Variants in APBB2 observed in about 807,000 individuals in gnomAD.
APBB2 encodes the protein amyloid beta precursor protein binding family B member 2, also known as Fe65-like 1.
A neutral mutation model predicts 82.5 loss-of-function variants in APBB2; 38 were observed. The observed-to-expected ratio is 0.46, with a 90% CI of 0.36 to 0.60. APBB2 has a LOEUF of 0.60. Among genes scored for constraint, APBB2 ranks in the 20% least tolerant of loss-of-function variants. The pLI is 0.00. For missense variants in APBB2, 772 were observed against 972.3 expected, an observed-to-expected ratio of 0.79 and a Z score of 2.74; for synonymous variants, 341 against 368.2, an observed-to-expected ratio of 0.93 and a Z score of 0.85.
At chr4:40,890,585 A>C in intron 11 of APBB2, 94 bp from the exon 12 acceptor site, 1 of 1,523,842 alleles carries the variant, frequency 6.6e-7, no homozygotes. Context: ...GTCAACCATC[A>C]GAAGAAGCCA....
chr4:41,016,559 G>T (rs1447714695), intron 5 of APBB2, among the ~76,000 whole-genome samples: 1 of 152,062 alleles, frequency 6.6e-6, no homozygotes, highest in Non-Finnish European at 1.5e-5. Context: ...GCTGAGGCAG[G>T]AGAATCGCTT....
chr4:40,911,607 C>A (rs1353644506), intron 10 of APBB2, among the ~76,000 whole-genome samples: 4 of 152,188 alleles, frequency 2.6e-5, no homozygotes, highest in African/African-American at 9.7e-5. Context: ...CCAATCCAAT[C>A]CATGTCTGGC....
chr4:40,865,252 C>G (rs1455177177), intron 12 of APBB2, among the ~76,000 whole-genome samples: 1 of 152,144 alleles, frequency 6.6e-6, no homozygotes, highest in African/African-American at 2.4e-5. Flanking sequence ...GTACTGCATG[C>G]ACAGGGACAC....
At chr4:41,179,762 T>C (rs181117696) in intron 1 of APBB2, among the ~76,000 whole-genome samples, 16 of 152,332 alleles carry the variant, frequency 1.1e-4, no homozygotes, top group African/African-American at 3.1e-4. Flanking sequence ...ATTCTGTGAA[T>C]ATTTAACACA....
At chr4:41,166,895 T>A (rs576991415) in intron 1 of APBB2, among the ~76,000 whole-genome samples, 71 of 152,170 alleles carry the variant, frequency 4.7e-4, no homozygotes, top group African/African-American at 6.0e-4. Flanking sequence ...AAATAAAATT[T>A]AAAAAAACTG....
chr4:40,863,730 G>A (rs986522418), intron 12 of APBB2, among the ~76,000 whole-genome samples: 1 of 151,482 alleles, frequency 6.6e-6, no homozygotes, highest in East Asian at 1.9e-4. Flanking sequence ...CTGTTTCTAC[G>A]AAAAATGCAA....
At chr4:41,079,170 T>A (rs1252173017) in intron 3 of APBB2, among the ~76,000 whole-genome samples, 1 of 152,242 alleles carries the variant, frequency 6.6e-6, no homozygotes, top group South Asian at 2.1e-4. Context: ...CTACCCAACA[T>A]AGAACTAATC....
rs541032832 is a variant in APBB2, at chr4:41,016,213, C to T, written c.20-1815G>A. Among the ~76,000 whole-genome samples, 4 of 152,300 alleles carry T rather than the reference C, an allele frequency of 2.6e-5. No individual in the cohort carries two copies. The East Asian group carries it at 5.8e-4, about 22-fold the overall frequency. ...ATTTATATTAGGCTGCTTTATGATGCTAGGTACTATTATACATTCTAGCAA... is the reference window on the plus strand; with the variant it reads ...ATTTATATTAGGCTGCTTTATGATGTTAGGTACTATTATACATTCTAGCAA... On this transcript the variant is annotated intron_variant, in intron 5 of 17. Coordinates refer to ENST00000508593, the MANE Select transcript of APBB2 (RefSeq NM_004307.2).
chr4:41,150,620 G>A (rs765733804), intron 1 of APBB2, among the ~76,000 whole-genome samples: 11 of 152,150 alleles, frequency 7.2e-5, no homozygotes, highest in African/African-American at 2.4e-4. Context: ...AAGAATTCCC[G>A]AAGGCTTTGC....
chr4:41,025,483 C>T (rs1713639662), intron 5 of APBB2, among the ~76,000 whole-genome samples: 2 of 151,840 alleles, frequency 1.3e-5, no homozygotes, highest in South Asian at 2.1e-4. Context: ...AACTACCATT[C>T]GACCCAGTAA....
intron 6 of APBB2, among the ~76,000 whole-genome samples, chr4:40,960,320 T>A (rs1481767932): frequency 1.3e-5 from 2 of 151,766 alleles, no homozygotes; most frequent in Non-Finnish European, 2.9e-5. Context: ...AACATATAAA[T>A]ATATTTCAGT....
intron 6 of APBB2, among the ~76,000 whole-genome samples, chr4:40,949,572 G>T (rs1288067826): frequency 6.6e-6 from 1 of 151,930 alleles, no homozygotes; most frequent in Non-Finnish European, 1.5e-5. Context: ...TGGTTATCAC[G>T]GTATCACAGT....
intron 5 of APBB2, among the ~76,000 whole-genome samples, chr4:41,016,029 CAT>C (rs1809825407): frequency 6.6e-6 from 1 of 152,148 alleles, no homozygotes; most frequent in Non-Finnish European, 1.5e-5. Context: ...AGTGGCATTT[CAT>C]ATGAGAAGGG....
intron 4 of APBB2, among the ~76,000 whole-genome samples, chr4:41,035,681 C>A (rs113730058): frequency 6.6e-6 from 1 of 152,176 alleles, no homozygotes; most frequent in African/African-American, 2.4e-5. Flanking sequence ...GTTGGCCCTC[C>A]GTATCCTCGG....
chr4:41,134,575 G>A (rs918165181), intron 2 of APBB2, among the ~76,000 whole-genome samples: 3 of 152,008 alleles, frequency 2.0e-5, no homozygotes, highest in Non-Finnish European at 4.4e-5. Context: ...ATGGAGTTTC[G>A]GAACATCTGG....
At chr4:41,148,969 A>T (rs1761516126) in intron 1 of APBB2, among the ~76,000 whole-genome samples, 1 of 152,244 alleles carries the variant, frequency 6.6e-6, no homozygotes, top group Non-Finnish European at 1.5e-5. Context: ...TATTTTAACC[A>T]AAGTATCCAT....
At chr4:40,991,010 C>A (rs1459905586) in intron 6 of APBB2, among the ~76,000 whole-genome samples, 1 of 128,652 alleles carries the variant, frequency 7.8e-6, no homozygotes. Flanking sequence ...GACTGAGTTT[C>A]ATTTTTTTTT....
At chr4:41,057,251 G>A (rs547212376) in intron 4 of APBB2, among the ~76,000 whole-genome samples, 1 of 152,304 alleles carries the variant, frequency 6.6e-6, no homozygotes, top group South Asian at 2.1e-4. Flanking sequence ...AGGAGTTCAA[G>A]ACCAGCCTGG....
chr4:40,853,481 C>T (rs989232263), intron 12 of APBB2, among the ~76,000 whole-genome samples: 2 of 150,952 alleles, frequency 1.3e-5, no homozygotes, highest in Admixed American at 6.6e-5. Flanking sequence ...GATGGAGTTT[C>T]GCTCGTTGTC....
Sources: gnomAD v4.1 joint callset for allele counts (sites outside exome capture counted in the v4.1 genomes callset) on GRCh38, gnomAD v4.1.1 for gene constraint, MANE v1.5 for transcripts, NCBI Gene and HGNC (gene_info 2026-07-23, HGNC 2026-07-21) for gene names.